MARCO: variants seen among roughly 807,000 people sequenced by gnomAD.
The protein encoded by MARCO is macrophage receptor MARCO.
MARCO carries 72 observed loss-of-function variants against 70.0 expected under a neutral mutation model. That is an observed-to-expected ratio of 1.03 (90% CI 0.85 to 1.25). MARCO has a LOEUF of 1.25. Ranked by LOEUF, MARCO falls within the 50% of genes most tolerant of loss-of-function variation. The pLI, the probability that MARCO is intolerant of heterozygous loss-of-function variation, is 0.00. For synonymous variants in MARCO, 273 were observed against 243.1 expected, an observed-to-expected ratio of 1.12 and a Z score of -1.14; for missense variants, 696 against 659.3, an observed-to-expected ratio of 1.06 and a Z score of -0.61.
intron 4 of MARCO, among the ~76,000 whole-genome samples, chr2:118,972,946 C>G (rs1376921596): frequency 6.6e-6 from 1 of 151,922 alleles, no homozygotes; most frequent in Admixed American, 6.5e-5. Context: ...TTCTATGGCT[C>G]TCTCTCTCTC....
rs569184748 is a variant in MARCO, at chr2:118,966,543, C to T, written c.98-2617C>T. 2.6e-5 allele frequency among the ~76,000 whole-genome samples: 4 copies of T among 152,276 alleles called. 1 individual carries two copies. Among genetic ancestry groups the T allele is most frequent in the Admixed American group, 1.3e-4 (2 of 15,292 alleles). On this transcript the variant is annotated intron_variant, in intron 1 of 16. Coordinates refer to ENST00000327097, the MANE Select transcript of MARCO (RefSeq NM_006770.4). ...GTTTCTAAAATACTTTGCCTCTATG[C>T]CAGGTGGTAGCTCTGAATTTAAAAA...
chr2:118,967,284 A>C (rs2104573158), intron 1 of MARCO, among the ~76,000 whole-genome samples: 1 of 152,338 alleles, frequency 6.6e-6, no homozygotes, highest in African/African-American at 2.4e-5. Context: ...AAAGGGAAGG[A>C]GGAGAGCCAG....
At chr2:118,974,987 C>G (rs529592143) in intron 6 of MARCO, among the ~76,000 whole-genome samples, 2 of 152,226 alleles carry the variant, frequency 1.3e-5, no homozygotes, top group East Asian at 3.9e-4. Context: ...AGAAACCGAG[C>G]CTCAGTTTCT....
chr2:118,977,605 C>A, intron 7 of MARCO, 90 bp downstream of exon 7: 1 of 1,146,894 alleles, frequency 8.7e-7, no homozygotes, highest in Non-Finnish European at 1.3e-6. Context: ...CTTTCCACAG[C>A]CCCACCCCAG....
intron 7 of MARCO, 82 bp downstream of exon 7, chr2:118,977,597 T>G: frequency 2.0e-6 from 2 of 991,858 alleles, no homozygotes; most frequent in Non-Finnish European, 1.5e-6. Context: ...CCCATCCTCT[T>G]TCCACAGCCC....
Position 118,993,212 on chromosome 2 carries a change from C to T in MARCO, c.1341C>T (p.Cys447=), listed in dbSNP as rs535131013. The T allele has an allele frequency of 5.6e-6, 9 of 1,614,082 alleles. No homozygotes were observed. In the South Asian group the frequency reaches 6.6e-5, roughly 12 times the overall value. Residue 447 remains cysteine, a synonymous_variant, in exon 16 of 17, where the codon TGC becomes TGT. Transcript: ENST00000327097. ...VYYSGTWGTI[C]DDEWQNSDAI... is the part of the protein sequence containing the mutation. Reference sequence around the variant, plus strand: ...ACAGTGGTACCTGGGGGACAATTTGCGATGACGAGTGGCAAAATTCTGATG... The same window carrying T: ...ACAGTGGTACCTGGGGGACAATTTGTGATGACGAGTGGCAAAATTCTGATG...
At chr2:118,954,622 A>C (rs1296770282) in intron 1 of MARCO, among the ~76,000 whole-genome samples, 1 of 152,208 alleles carries the variant, frequency 6.6e-6, no homozygotes, top group Admixed American at 6.5e-5. Context: ...GCACAAAAAT[A>C]GAGCATTAAA....
At position 118,973,210 on chromosome 2, in the gene MARCO, C is replaced by T. The variant is rs186498776; in HGVS notation, c.461-1123C>T. Among the ~76,000 whole-genome samples, 229 of 152,174 alleles carry T rather than the reference C, an allele frequency of 1.5e-3. 3 individuals are homozygous for T. Among genetic ancestry groups the T allele is most frequent in the African/African-American group, 4.8e-3 (201 of 41,512 alleles). ...AGAGAAAAACTCCAACTCTCTCTCT[C>T]CATGTCTCTCTCTCTGTCTCTCTGA... On this transcript the variant is annotated intron_variant, in intron 4 of 16. Transcript: ENST00000327097.
chr2:118,994,621 C>A lies in MARCO; in HGVS notation c.*101C>A. 1 of 1,220,274 alleles carries A rather than the reference C, an allele frequency of 8.2e-7. No homozygotes were observed. The highest frequency in any genetic ancestry group is 1.5e-5 in the African/African-American group (1 of 65,864). 75.6% of individuals were successfully genotyped at this position (1,220,274 alleles called of 1,614,324 possible). A position where few individuals can be genotyped will look rare whatever the true frequency, so the allele number is the denominator to read the frequency against. On this transcript the variant is annotated 3_prime_UTR_variant, in exon 17 of 17. Coordinates refer to ENST00000327097, the MANE Select transcript of MARCO (RefSeq NM_006770.4). ...AGTTCCCTGGGGACAACTGAGCAGCCTCTGGAGAGGGGCCATTAATAAAGC... is the reference window on the plus strand; with the variant it reads ...AGTTCCCTGGGGACAACTGAGCAGCATCTGGAGAGGGGCCATTAATAAAGC...
chr2:118,991,959 T>C, intron 14 of MARCO, 84 bp downstream of exon 14: 2 of 988,638 alleles, frequency 2.0e-6, no homozygotes, highest in Non-Finnish European at 3.0e-6. Flanking sequence ...AAGGCGCTGT[T>C]TTAAGAGTTC....
At chr2:118,968,393 G>A (rs985864536) in intron 1 of MARCO, among the ~76,000 whole-genome samples, 4 of 152,132 alleles carry the variant, frequency 2.6e-5, no homozygotes, top group African/African-American at 9.7e-5. Flanking sequence ...AAATGTCCAC[G>A]AAAATCTTTC....
chr2:118,957,622 G>A (rs1023908518), intron 1 of MARCO, among the ~76,000 whole-genome samples: 3 of 151,934 alleles, frequency 2.0e-5, no homozygotes, highest in African/African-American at 7.3e-5. Context: ...TATTCCACAA[G>A]ACAGAGAAAG....
intron 12 of MARCO, among the ~76,000 whole-genome samples, chr2:118,988,158 C>T (rs574016324): frequency 2.5e-4 from 38 of 152,128 alleles, no homozygotes; most frequent in Non-Finnish European, 4.6e-4. Flanking sequence ...CAGTGCCTGG[C>T]GTGATGCAGG....
At chr2:118,953,548 G>A (rs866099829) in intron 1 of MARCO, among the ~76,000 whole-genome samples, 1 of 152,130 alleles carries the variant, frequency 6.6e-6, no homozygotes, top group African/African-American at 2.4e-5. Flanking sequence ...CTGGAGGTGG[G>A]GGGAACGATG....
intron 4 of MARCO, among the ~76,000 whole-genome samples, chr2:118,973,592 C>T (rs1235569066): frequency 6.6e-6 from 1 of 152,112 alleles, no homozygotes; most frequent in Non-Finnish European, 1.5e-5. Context: ...CTTGCCTGGT[C>T]AAGACTTCCC....
chr2:118,973,485 G>C (rs17009811), intron 4 of MARCO, among the ~76,000 whole-genome samples: 11,119 of 152,064 alleles, frequency 0.073, 1,351 homozygotes, highest in African/African-American at 0.25. Context: ...TAGAAGTCTC[G>C]GCTCCTCCTC....
intron 1 of MARCO, among the ~76,000 whole-genome samples, chr2:118,968,230 G>A (rs1481354163): frequency 3.9e-5 from 6 of 152,186 alleles, no homozygotes; most frequent in Admixed American, 2.0e-4. Context: ...CGAAAGACTA[G>A]AGTCAGGACT....
At chr2:118,944,802 T>G (rs1242514755) in intron 1 of MARCO, 1 of 151,996 alleles carries the variant, frequency 6.6e-6, no homozygotes, top group East Asian at 1.9e-4. Context: ...GGATGAGGAG[T>G]GTAAATTTCA....
At chr2:118,952,702 G>A (rs556921662) in intron 1 of MARCO, 5 of 152,300 alleles carry the variant, frequency 3.3e-5, no homozygotes, top group Admixed American at 1.3e-4. Context: ...CTGAGAGCTC[G>A]GGTTATTCCT....
Sources: allele counts gnomAD v4.1 joint callset (sites outside exome capture counted in the v4.1 genomes callset), GRCh38; gene constraint gnomAD v4.1.1; transcripts MANE v1.5; gene names NCBI Gene and HGNC (gene_info 2026-07-23, HGNC 2026-07-21).